Variants in SCHIP1 observed in about 807,000 individuals in gnomAD.
SCHIP1 encodes the protein schwannomin interacting protein 1.
SCHIP1 carries 8 observed loss-of-function variants against 29.7 expected under a neutral mutation model. The observed-to-expected ratio is 0.27, with a 90% CI of 0.16 to 0.49. The LOEUF is 0.49. Among genes scored for constraint, SCHIP1 ranks in the 20% least tolerant of loss-of-function variants. SCHIP1 has a pLI of 0.99. For synonymous variants in SCHIP1, 76 were observed against 94.9 expected (o/e 0.80, Z 1.16); for missense variants, 193 against 294.6 (o/e 0.66, Z 2.52).
chr3:159,435,569 T>C, the SCHIP1 span, among the ~76,000 whole-genome samples: 1 of 152,168 alleles, frequency 6.6e-6, no homozygotes, highest in East Asian at 1.9e-4. Flanking sequence ...TGTGAACCAG[T>C]AAAGGCAAGT....
chr3:159,711,505 G>T, the SCHIP1 span, among the ~76,000 whole-genome samples: 1 of 150,578 alleles, frequency 6.6e-6, no homozygotes, highest in Admixed American at 6.6e-5. Context: ...AAGAGAAATG[G>T]ATGTCTGTTA....
At chr3:159,413,147 G>C in the SCHIP1 span, among the ~76,000 whole-genome samples, 40 of 152,264 alleles carry the variant, frequency 2.6e-4, no homozygotes, top group African/African-American at 8.9e-4. Context: ...AGAACAGCAT[G>C]GGGAAACTGC....
the SCHIP1 span, among the ~76,000 whole-genome samples, chr3:159,367,163 C>T: frequency 5.3e-5 from 8 of 152,110 alleles, no homozygotes; most frequent in South Asian, 6.2e-4. Flanking sequence ...GAGGCCAAGG[C>T]GGGCGGATCA....
the SCHIP1 span, among the ~76,000 whole-genome samples, chr3:159,324,214 T>G: frequency 6.6e-6 from 1 of 150,560 alleles, no homozygotes; most frequent in Non-Finnish European, 1.5e-5. Flanking sequence ...AATATATTTG[T>G]ATATATTTAA....
At chr3:159,576,197 T>G in the SCHIP1 span, among the ~76,000 whole-genome samples, 2 of 152,222 alleles carry the variant, frequency 1.3e-5, no homozygotes, top group African/African-American at 4.8e-5. Flanking sequence ...CATATGCACA[T>G]TTCAAAATAT....
At chr3:159,533,581 C>T in the SCHIP1 span, among the ~76,000 whole-genome samples, 1 of 152,228 alleles carries the variant, frequency 6.6e-6, no homozygotes, top group South Asian at 2.1e-4. Context: ...TAACTCATAA[C>T]TTAGATGGAC....
chr3:159,359,240 T>G, the SCHIP1 span, among the ~76,000 whole-genome samples: 2 of 152,138 alleles, frequency 1.3e-5, no homozygotes, highest in African/African-American at 4.8e-5. Context: ...TCATTGATTT[T>G]TAAAGGACAA....
the SCHIP1 span, among the ~76,000 whole-genome samples, chr3:159,774,813 G>C: frequency 6.6e-6 from 1 of 152,174 alleles, no homozygotes; most frequent in Non-Finnish European, 1.5e-5. Context: ...TTGTGTATCA[G>C]ATTTTCCAAT....
the SCHIP1 span, among the ~76,000 whole-genome samples, chr3:159,707,665 G>A: frequency 2.0e-5 from 3 of 152,048 alleles, no homozygotes; most frequent in East Asian, 1.9e-4. Flanking sequence ...TGTTATGAAC[G>A]AGATCCCATA....
the SCHIP1 span, among the ~76,000 whole-genome samples, chr3:159,638,208 A>G: frequency 6.6e-6 from 1 of 152,136 alleles, no homozygotes; most frequent in African/African-American, 2.4e-5. Flanking sequence ...GTGTACCTCA[A>G]TTTTTTGCTG....
At chr3:159,777,956 G>A in the SCHIP1 span, among the ~76,000 whole-genome samples, 1 of 151,984 alleles carries the variant, frequency 6.6e-6, no homozygotes, top group Non-Finnish European at 1.5e-5. Flanking sequence ...ATTTTAGGAG[G>A]TTTATTCACT....
the SCHIP1 span, among the ~76,000 whole-genome samples, chr3:159,504,507 T>G: frequency 6.6e-6 from 1 of 152,306 alleles, no homozygotes; most frequent in East Asian, 1.9e-4. Flanking sequence ...CTAATTCCAA[T>G]AAGTCTGGGA....
the SCHIP1 span, among the ~76,000 whole-genome samples, chr3:159,576,427 C>A: frequency 1.3e-5 from 2 of 152,014 alleles, no homozygotes; most frequent in Non-Finnish European, 2.9e-5. Flanking sequence ...CTCTTTTGAT[C>A]TTTTGTCTTC....
chr3:159,587,960 T>G, the SCHIP1 span, among the ~76,000 whole-genome samples: 1 of 152,206 alleles, frequency 6.6e-6, no homozygotes, highest in Non-Finnish European at 1.5e-5. Context: ...GCAGCATGAT[T>G]TATAATCCTT....
the SCHIP1 span, among the ~76,000 whole-genome samples, chr3:159,529,982 T>C: frequency 6.6e-6 from 1 of 152,260 alleles, no homozygotes; most frequent in Admixed American, 6.5e-5. Context: ...ATATATACCA[T>C]GTTTTTAAAA....
intron 6 of SCHIP1, among the ~76,000 whole-genome samples, chr3:159,895,614 GC>G (rs1717985511): frequency 6.6e-6 from 1 of 152,082 alleles, no homozygotes; most frequent in African/African-American, 2.4e-5. Flanking sequence ...GTCTACCTCT[GC>G]CCCACTGTCT....
At chr3:159,832,756 A>G in the SCHIP1 span, among the ~76,000 whole-genome samples, 6 of 152,026 alleles carry the variant, frequency 3.9e-5, no homozygotes, top group Non-Finnish European at 5.9e-5. Context: ...TTTGTTGACT[A>G]TGTCTCCTTT....
chr3:159,305,527 A>G, the SCHIP1 span, among the ~76,000 whole-genome samples: 4 of 152,136 alleles, frequency 2.6e-5, no homozygotes, highest in Non-Finnish European at 4.4e-5. Flanking sequence ...TTCCACTGAT[A>G]CTGTCCCATT....
chr3:159,701,499 G>A, the SCHIP1 span, among the ~76,000 whole-genome samples: 2 of 152,068 alleles, frequency 1.3e-5, no homozygotes, highest in Non-Finnish European at 2.9e-5. Context: ...AAAGAAAATG[G>A]TTTGGATGAT....
Sources: gnomAD v4.1 joint callset for allele counts (sites outside exome capture counted in the v4.1 genomes callset) on GRCh38, gnomAD v4.1.1 for gene constraint, MANE v1.5 for transcripts, NCBI Gene and HGNC (gene_info 2026-07-23, HGNC 2026-07-21) for gene names.